The following FAT3 variants were observed in gnomAD, a reference collection of about 807,000 sequenced individuals.
The protein encoded by FAT3 is protocadherin Fat 3.
In FAT3, 95 loss-of-function variants were observed where a neutral mutation model predicts 310.2. The ratio of observed to expected loss-of-function variants is 0.31; its 90% CI spans 0.26 to 0.36. FAT3 has a LOEUF of 0.36. Ranked by LOEUF, FAT3 falls within the 10% of genes least tolerant of loss-of-function variation. The pLI is 1.00. For synonymous variants in FAT3, 2,314 were observed against 2,192.9 expected (o/e 1.06, Z -1.54); for missense variants, 5,408 against 5,715.6 (o/e 0.95, Z 1.74).
rs1952308614 is a variant in FAT3 at position 92,484,125 on chromosome 11, G to T, written c.3293-40509G>T. The stretch of plus-strand genomic sequence containing the variant: ...TGAATTTTCTAATCCATTATCCTTT[G>T]TCCAAAGGTATGTCTTCTTCTTGGC... On this transcript the variant is annotated intron_variant, in intron 2 of 27. Coordinates refer to ENST00000525166, the MANE Select transcript of FAT3 (RefSeq NM_001367949.2). Among the ~76,000 whole-genome samples, 3 of 152,174 alleles carry T rather than the reference G, an allele frequency of 2.0e-5. No individual in the cohort carries two copies. In the South Asian group the frequency reaches 6.2e-4, roughly 32 times the overall value.
At chr11:92,233,709 A>G (rs943203288) in intron 1 of FAT3, among the ~76,000 whole-genome samples, 5 of 152,222 alleles carry the variant, frequency 3.3e-5, no homozygotes, top group African/African-American at 1.2e-4. Context: ...AAATTGGGCA[A>G]TCTAGGCAAT....
At chr11:92,625,724 G>T (rs1192907006) in intron 3 of FAT3, among the ~76,000 whole-genome samples, 1 of 145,002 alleles carries the variant, frequency 6.9e-6, no homozygotes, top group African/African-American at 2.7e-5. Flanking sequence ...AGGAAACCAA[G>T]TATCTGTCCT....
chr11:92,293,449 T>G (rs967421451), intron 1 of FAT3, among the ~76,000 whole-genome samples: 3 of 147,190 alleles, frequency 2.0e-5, no homozygotes, highest in Non-Finnish European at 4.5e-5. Flanking sequence ...AAAATTATAA[T>G]CATACTCATG....
At chr11:92,810,888 G>A (rs1947651674) in intron 13 of FAT3, among the ~76,000 whole-genome samples, 1 of 152,160 alleles carries the variant, frequency 6.6e-6, no homozygotes, top group Admixed American at 6.5e-5. Flanking sequence ...AGGAAATGAT[G>A]AGGTGTGTCT....
intron 2 of FAT3, among the ~76,000 whole-genome samples, chr11:92,459,646 G>C (rs569580810): frequency 6.6e-6 from 1 of 152,114 alleles, no homozygotes; most frequent in Non-Finnish European, 1.5e-5. Flanking sequence ...AGATAATTTT[G>C]GTCAAACCTT....
rs116657742 is a variant in FAT3 at position 92,878,397 on chromosome 11, A to G, written c.12128-2334A>G. ...AATAAATAAATTGATAACATCCACA[A>G]ATACCCAAATACCTTCACTGCAACA... is the stretch of plus-strand genomic sequence containing the variant. On this transcript the variant is annotated intron_variant, in intron 22 of 27. Transcript: ENST00000525166. 5.3e-3 allele frequency among the ~76,000 whole-genome samples: 812 copies of G among 152,160 alleles called. 8 individuals carry two copies. Among genetic ancestry groups the G allele is most frequent in the African/African-American group, 0.018 (768 of 41,522 alleles).
intron 4 of FAT3, among the ~76,000 whole-genome samples, chr11:92,706,226 A>G (rs557496919): frequency 4.9e-4 from 74 of 152,230 alleles, no homozygotes; most frequent in African/African-American, 1.7e-3. Context: ...TCCCACCAGT[A>G]TAAATTGCAG....
At position 92,355,224 on chromosome 11, in the gene FAT3, C is replaced by G; in HGVS notation, c.3112C>G (p.Leu1038Val). The change falls in exon 2 of 28, where the codon CTC (leucine) becomes GTC (valine). Residue 1038 changes from leucine (L) to valine (V), a missense_variant. By Grantham distance (32) the Leu-to-Val change is conservative (BLOSUM62 1). Transcript: ENST00000525166. Reference protein sequence around the residue: ...EVEVVDVNENLHTPYFPDFAV... With the variant: ...EVEVVDVNENVHTPYFPDFAV... ...GGAAGTGGTGGATGTCAATGAAAACCTCCACACTCCCTATTTCCCAGACTT... is the reference window on the plus strand; with the variant it reads ...GGAAGTGGTGGATGTCAATGAAAACGTCCACACTCCCTATTTCCCAGACTT... 1 of 1,613,782 alleles carries G rather than the reference C, an allele frequency of 6.2e-7. No homozygotes were observed. The highest frequency in any genetic ancestry group is 8.5e-7 in the Non-Finnish European group (1 of 1,179,856).
intron 2 of FAT3, among the ~76,000 whole-genome samples, chr11:92,421,197 G>A (rs1950526470): frequency 6.6e-6 from 1 of 152,088 alleles, no homozygotes; most frequent in African/African-American, 2.4e-5. Flanking sequence ...GTTGTAACTT[G>A]ACTATCACTT....
intron 2 of FAT3, among the ~76,000 whole-genome samples, chr11:92,397,478 C>T (rs892715152): frequency 6.6e-6 from 1 of 152,174 alleles, no homozygotes; most frequent in African/African-American, 2.4e-5. Flanking sequence ...TAACATGCCT[C>T]ACATAGTTTC....
chr11:92,881,567 T>G (rs906521196), intron 23 of FAT3, among the ~76,000 whole-genome samples: 21 of 152,232 alleles, frequency 1.4e-4, no homozygotes, highest in African/African-American at 5.1e-4. Context: ...GCATTTATTT[T>G]TAAATACTCT....
chr11:92,452,611 C>G (rs1477446098), intron 2 of FAT3, among the ~76,000 whole-genome samples: 1 of 152,036 alleles, frequency 6.6e-6, no homozygotes. Context: ...AGGGATGGTG[C>G]TATTGTGACC....
At chr11:92,515,829 C>A (rs761652565) in intron 2 of FAT3, among the ~76,000 whole-genome samples, 84 of 152,034 alleles carry the variant, frequency 5.5e-4, no homozygotes, top group Non-Finnish European at 1.1e-3. Flanking sequence ...GTGTGAAAGT[C>A]ATGATAGTGA....
At chr11:92,846,237 A>C (rs567335951) in intron 19 of FAT3, among the ~76,000 whole-genome samples, 1 of 152,292 alleles carries the variant, frequency 6.6e-6, no homozygotes, top group Admixed American at 6.5e-5. Context: ...TATACCAGCT[A>C]ATTAATCCTT....
At chr11:92,428,380 T>G (rs1950686710) in intron 2 of FAT3, among the ~76,000 whole-genome samples, 1 of 152,124 alleles carries the variant, frequency 6.6e-6, no homozygotes, top group African/African-American at 2.4e-5. Context: ...CTCTAACTCC[T>G]TCAGTTCTGC....
intron 4 of FAT3, among the ~76,000 whole-genome samples, chr11:92,724,561 A>T (rs1012935678): frequency 6.6e-6 from 1 of 152,348 alleles, no homozygotes; most frequent in Non-Finnish European, 1.5e-5. Context: ...CTTCAACACT[A>T]CAGCAATGTA....
At chr11:92,704,649 G>A (rs1265401279) in intron 4 of FAT3, among the ~76,000 whole-genome samples, 2 of 152,178 alleles carry the variant, frequency 1.3e-5, no homozygotes, top group African/African-American at 4.8e-5. Flanking sequence ...GGAAAAGACA[G>A]CTGTCTGTAC....
chr11:92,616,957 G>C (rs1053865163), intron 3 of FAT3, among the ~76,000 whole-genome samples: 5 of 152,132 alleles, frequency 3.3e-5, no homozygotes, highest in African/African-American at 1.2e-4. Context: ...TATGTATCTT[G>C]GGGTTGCTCT....
intron 3 of FAT3, among the ~76,000 whole-genome samples, chr11:92,563,558 T>G (rs545603707): frequency 3.5e-4 from 53 of 152,316 alleles, no homozygotes; most frequent in African/African-American, 1.2e-3. Flanking sequence ...AGGCTCATGA[T>G]AACTTACTCA....
Sources: allele counts gnomAD v4.1 joint callset (sites outside exome capture counted in the v4.1 genomes callset), GRCh38; gene constraint gnomAD v4.1.1; transcripts MANE v1.5; gene names NCBI Gene and HGNC (gene_info 2026-07-23, HGNC 2026-07-21).